The following TMC6 variants were observed in gnomAD, a reference collection of about 807,000 sequenced individuals.
TMC6 encodes the protein transmembrane channel-like protein 6.
Under a neutral mutation model 95.4 loss-of-function variants are expected in TMC6, and 71 were observed. The ratio of observed to expected loss-of-function variants is 0.74; its 90% CI spans 0.61 to 0.91. The LOEUF is 0.91. Among genes scored for constraint, TMC6 ranks in the 40% least tolerant of loss-of-function variants. The pLI, the probability that TMC6 is intolerant of heterozygous loss-of-function variation, is 0.00. For synonymous variants in TMC6, 514 were observed against 483.1 expected, an observed-to-expected ratio of 1.06 and a Z score of -0.84; for missense variants, 1,074 against 1,079.1, an observed-to-expected ratio of 1.00 and a Z score of 0.07.
intron 4 of TMC6, 184 bp downstream of exon 4, chr17:78,126,093 C>A: frequency 9.0e-7 from 1 of 1,115,410 alleles, no homozygotes; most frequent in African/African-American, 1.6e-5. Flanking sequence ...GCGAGGGCCA[C>A]ATGGGGCTGT....
intron 1 of TMC6, among the ~76,000 whole-genome samples, chr17:78,127,191 G>A (rs1406940356): frequency 1.3e-5 from 2 of 152,320 alleles, no homozygotes; most frequent in East Asian, 3.9e-4. Context: ...TGGGAAATGG[G>A]GAAGAGGTAG....
chr17:78,114,853 C>G (rs1436037574), intron 18 of TMC6, among the ~76,000 whole-genome samples: 1 of 152,170 alleles, frequency 6.6e-6, no homozygotes, highest in Non-Finnish European at 1.5e-5. Context: ...AGAGCTCGGC[C>G]TTGGGTAGAC....
chr17:78,123,946 A>G, intron 9 of TMC6, 43 bp downstream of exon 9: 1 of 1,606,412 alleles, frequency 6.2e-7, no homozygotes, highest in Non-Finnish European at 8.5e-7. Flanking sequence ...GAATGGATGG[A>G]TGAGTGGAGC....
intron 13 of TMC6, chr17:78,120,021 A>G (rs1030024486): frequency 5.1e-6 from 2 of 392,822 alleles, no homozygotes; most frequent in Admixed American, 3.3e-5. Context: ...ACCAAGAGGA[A>G]AAAAACAGCT....
At chr17:78,115,850 G>A (rs1191845076) in intron 18 of TMC6, among the ~76,000 whole-genome samples, 1 of 52,622 alleles carries the variant, frequency 1.9e-5, no homozygotes, top group African/African-American at 8.9e-5. Context: ...GGGCACAGGG[G>A]CGAAGGGAGT....
In TMC6 at chr17:78,117,556, C is replaced by T. The variant is rs536068485; in HGVS notation, c.2110G>A (p.Ala704Thr). Residue 704 changes from alanine to threonine, a missense_variant, in exon 17 of 20, where the codon GCA becomes ACA. Physicochemically the swap from Ala to Thr is moderately conservative, Grantham distance 58 (BLOSUM62 0). Transcript: ENST00000590602. ...GGCAGCCAGGAGACCCTGGGGCCTGCCGCCTCCAGGTGGCGCACCCACACC... is the reference window on the plus strand; with the variant it reads ...GGCAGCCAGGAGACCCTGGGGCCTGTCGCCTCCAGGTGGCGCACCCACACC... Reference protein sequence around the residue: ...GRVWVRHLEAAGPRVSWLPWV... With the variant: ...GRVWVRHLEATGPRVSWLPWV... 5.6e-6 allele frequency: 9 copies of T among 1,596,326 alleles called. No individual in the cohort carries two copies. The South Asian group carries it at 9.0e-5, about 16-fold the overall frequency.
chr17:78,128,903 C>T (rs1363609261), upstream of TMC6: 3 of 151,882 alleles, frequency 2.0e-5, no homozygotes, highest in African/African-American at 7.3e-5. This position sits in a 1 kb window ranked among gnomAD's most constrained non-coding sequence, Gnocchi z 4.0. Flanking sequence ...CCTCCCCTGC[C>T]AACTTCCGAC....
chr17:78,125,031 G>T, intron 6 of TMC6, 46 bp from the exon 7 acceptor site: 2 of 1,548,908 alleles, frequency 1.3e-6, no homozygotes, highest in Non-Finnish European at 8.7e-7. Flanking sequence ...TGAGGGGCCT[G>T]ACTCTCTCCT....
At chr17:78,131,629 G>A (rs1243542376), upstream of TMC6, 2 of 1,553,520 alleles carry the variant, frequency 1.3e-6, no homozygotes, top group East Asian at 4.8e-5. Context: ...CGGGCCCCTG[G>A]GGTGCCGGAG....
Position 78,122,533 on chromosome 17 carries a change from G to T in TMC6, c.1227+72C>A. The stretch of plus-strand genomic sequence containing the variant: ...CTCTAGACCATGGTTCTGGTCACAT[G>T]GTCCTAAGTGGACCCAGGGCCAGGC... On this transcript the variant is annotated intron_variant, in intron 10 of 19. Transcript: ENST00000590602. This position sits in a 1 kb window ranked among gnomAD's most constrained non-coding sequence, Gnocchi z 4.9. The T allele has an allele frequency of 6.3e-7, 1 of 1,588,360 alleles. No individual in the cohort carries two copies. Among genetic ancestry groups the T allele is most frequent in the South Asian group, 1.1e-5 (1 of 90,038 alleles).
In TMC6 at chr17:78,110,194, C is replaced by G. The variant is rs1464312576; in HGVS notation, c.*2954G>C. On this transcript the variant is annotated 3_prime_UTR_variant, in exon 20 of 20. Transcript: ENST00000590602. ...TTTGTTTGTTGGGACAGGGTCTTGC[C>G]ATTGCCCGTGCTGGATTCAAAACAC... is the stretch of plus-strand genomic sequence containing the variant. 6.6e-6 allele frequency: 1 copy of G among 152,386 alleles called. No individual in the cohort carries two copies. The highest frequency in any genetic ancestry group is 2.4e-5 in the African/African-American group (1 of 41,356). 9.4% of individuals were successfully genotyped at this position (152,386 alleles called of 1,614,324 possible). A position where few individuals can be genotyped will look rare whatever the true frequency, so the allele number is the denominator to read the frequency against.
chr17:78,128,183 C>G lies in TMC6; in HGVS notation c.-75+429G>C, dbSNP rs1033211929. The stretch of plus-strand genomic sequence containing the variant: ...GGTGGCGCCCGTTTCCAGGAACCCC[C>G]ACCCCAGCCGGCAGCGAGCTTCCCG... On this transcript the variant is annotated intron_variant, in intron 1 of 19. Coordinates refer to ENST00000590602, the MANE Select transcript of TMC6 (RefSeq NM_001127198.5). This position sits in a 1 kb window ranked among gnomAD's most constrained non-coding sequence, Gnocchi z 4.0. 9.2e-5 allele frequency among the ~76,000 whole-genome samples: 14 copies of G among 152,172 alleles called. No homozygotes were observed. Among genetic ancestry groups the G allele is most frequent in the Non-Finnish European group, 1.3e-4 (9 of 68,022 alleles).
intron 4 of TMC6, 23 bp from the exon 5 acceptor site, chr17:78,125,907 C>T: frequency 6.5e-7 from 1 of 1,550,052 alleles, no homozygotes; most frequent in Admixed American, 2.0e-5. Context: ...CTGGGCAGGG[C>T]CGGGCCGGGC....
rs544803741 is a variant in TMC6, at chr17:78,122,820, C to T, written c.1083-71G>A. 2.0e-3 allele frequency: 3,055 copies of T among 1,561,866 alleles called. 9 individuals are homozygous for T. Among genetic ancestry groups the T allele is most frequent in the Non-Finnish European group, 2.2e-3 (2,560 of 1,160,294 alleles). On this transcript the variant is annotated intron_variant, in intron 9 of 19. Transcript: ENST00000590602. The surrounding 1 kb of genome is among the most constrained non-coding windows in gnomAD (Gnocchi z 4.9). ...CAGAGGCCAAGGGGAGAAGGCAGAC[C>T]GGATGCTCTGGGCAGCCAGACCCCA...
rs1278439277 is a variant in TMC6, at chr17:78,121,439, G to A, written c.1383+117C>T. 8.5e-6 allele frequency: 13 copies of A among 1,529,232 alleles called. No individual in the cohort carries two copies. Among genetic ancestry groups the A allele is most frequent in the Non-Finnish European group, 8.9e-7 (1 of 1,124,788 alleles). 94.7% of individuals were successfully genotyped at this position (1,529,232 alleles called of 1,614,324 possible). A position where few individuals can be genotyped will look rare whatever the true frequency, so the allele number is the denominator to read the frequency against. On this transcript the variant is annotated intron_variant, in intron 11 of 19. Transcript: ENST00000590602. This position sits in a 1 kb window ranked among gnomAD's most constrained non-coding sequence, Gnocchi z 5.6. ...CCCAGCACGGGGCACAGCGTACGTGGCACCCTGGGCTGGCTGGGTGGAGGA... is the reference window on the plus strand; with the variant it reads ...CCCAGCACGGGGCACAGCGTACGTGACACCCTGGGCTGGCTGGGTGGAGGA...
upstream of TMC6, among the ~76,000 whole-genome samples, chr17:78,130,437 G>A (rs1253720458): frequency 6.6e-6 from 1 of 152,224 alleles, no homozygotes; most frequent in African/African-American, 2.4e-5. Context: ...ATCCAGGCTG[G>A]AAGGAGTTGA....
At chr17:78,127,158 G>C (rs1040892144) in intron 1 of TMC6, 2 of 519,188 alleles carry the variant, frequency 3.9e-6, no homozygotes, top group African/African-American at 1.9e-5. Context: ...TTCCACATCT[G>C]TTTCCTCGAT....
Position 78,109,787 on chromosome 17 carries a change from C to T in TMC6, c.*3361G>A. 1 of 345,130 alleles carries T rather than the reference C, an allele frequency of 2.9e-6. No individual in the cohort carries two copies. Among genetic ancestry groups the T allele is most frequent in the Non-Finnish European group, 5.8e-6 (1 of 173,738 alleles). The allele number at this position is 345,130 out of a possible 1,614,324, so 21.4% of individuals were successfully genotyped here. ...AATTTTTAAGATAATTCACATCCGG[C>T]CAGGCATGGTGGCTCATGCCTGTAA... On this transcript the variant is annotated 3_prime_UTR_variant, in exon 20 of 20. Transcript: ENST00000590602.
chr17:78,107,565 C>G lies in TMC6; in HGVS notation c.*5583G>C, dbSNP rs1054563562. On this transcript the variant is annotated 3_prime_UTR_variant, in exon 20 of 20. Coordinates refer to ENST00000590602, the MANE Select transcript of TMC6 (RefSeq NM_001127198.5). ...GCATGCGTTCCCTCTGTAATTTCCT[C>G]AGAGCTCACATACGTACCTCTCTCA... The G allele has an allele frequency of 6.6e-6, 1 of 152,262 alleles. No individual in the cohort carries two copies. Among genetic ancestry groups the G allele is most frequent in the East Asian group, 1.9e-4 (1 of 5,204 alleles). 9.4% of individuals were successfully genotyped at this position (152,262 alleles called of 1,614,324 possible).
Sources: allele counts gnomAD v4.1 joint callset (sites outside exome capture counted in the v4.1 genomes callset), GRCh38; gene constraint gnomAD v4.1.1; non-coding constraint Gnocchi (gnomAD v3.1); transcripts MANE v1.5; gene names NCBI Gene and HGNC (gene_info 2026-07-23, HGNC 2026-07-21).